ZNF341: variants seen among roughly 807,000 people sequenced by gnomAD.
The protein encoded by ZNF341 is zinc finger protein 341.
A neutral mutation model predicts 87.7 loss-of-function variants in ZNF341; 52 were observed. The ratio of observed to expected loss-of-function variants is 0.59; its 90% CI spans 0.47 to 0.75. ZNF341 has a LOEUF of 0.75. Among genes scored for constraint, ZNF341 ranks in the 30% least tolerant of loss-of-function variants. ZNF341 has a pLI of 0.00. For synonymous variants in ZNF341, 459 were observed against 472.7 expected, an observed-to-expected ratio of 0.97 and a Z score of 0.38; for missense variants, 977 against 1,145.9, an observed-to-expected ratio of 0.85 and a Z score of 2.13.
chr20:33,768,821 A>G (rs2081671129), intron 9 of ZNF341, among the ~76,000 whole-genome samples: 1 of 152,202 alleles, frequency 6.6e-6, no homozygotes, highest in Admixed American at 6.5e-5. Context: ...GGCAACCAGG[A>G]CTTACGTACT....
chr20:33,789,421 G>T, intron 13 of ZNF341, 97 bp from the exon 14 acceptor site: 1 of 1,286,892 alleles, frequency 7.8e-7, no homozygotes. Flanking sequence ...CCCTTAGGGT[G>T]GACAAGGCTG....
chr20:33,769,213 G>A (rs1259192268), intron 9 of ZNF341, among the ~76,000 whole-genome samples: 1 of 152,102 alleles, frequency 6.6e-6, no homozygotes, highest in Non-Finnish European at 1.5e-5. Context: ...TAGAGAGTGT[G>A]ATGACTGTGG....
rs376855897 is a variant in ZNF341, at chr20:33,757,244, G to A, written c.838G>A (p.Ala280Thr). The A allele has an allele frequency of 6.8e-5, 109 of 1,604,064 alleles. 1 individual carries two copies. In the East Asian group the frequency reaches 9.9e-4, roughly 15 times the overall value. The part of the protein sequence containing the change: ...GFKPKGPNPA[A>T]PMTSATGGTV... ...CAAACCCAAAGGACCAAACCCCGCCGCCCCCATGACCAGCGCCACCGGGGG... is the reference window on the plus strand; with the variant it reads ...CAAACCCAAAGGACCAAACCCCGCCACCCCCATGACCAGCGCCACCGGGGG... Residue 280 changes from alanine to threonine, a missense_variant, in exon 6 of 15, where the codon GCC becomes ACC. Around this residue, in one of 3 missense-constraint regions of ZNF341, gnomAD observed 515 missense variants for 598.2 expected, o/e 0.86. Coordinates refer to ENST00000375200, the MANE Select transcript of ZNF341 (RefSeq NM_001282933.2).
At chr20:33,762,782 G>A (rs1373950484) in intron 8 of ZNF341, among the ~76,000 whole-genome samples, 3 of 152,160 alleles carry the variant, frequency 2.0e-5, no homozygotes, top group African/African-American at 4.8e-5. Context: ...GAGAACATAC[G>A]GTGTTTGGTT....
intron 11 of ZNF341, among the ~76,000 whole-genome samples, chr20:33,781,915 AGG>A (rs1298917242): frequency 6.6e-6 from 1 of 152,024 alleles, no homozygotes; most frequent in Admixed American, 6.6e-5. Context: ...CCTGGGCTTA[AGG>A]GACCTGTCCA....
chr20:33,736,232 T>C (rs1452519255), intron 1 of ZNF341, among the ~76,000 whole-genome samples: 1 of 151,098 alleles, frequency 6.6e-6, no homozygotes, highest in East Asian at 2.0e-4. Context: ...TCCCCCACTC[T>C]AGTGGGGCTT....
rs1468911404 is a variant in ZNF341 at position 33,736,447 on chromosome 20, C to T, written c.31+4395C>T. 2.0e-5 allele frequency among the ~76,000 whole-genome samples: 3 copies of T among 152,162 alleles called. No individual in the cohort carries two copies. The South Asian group carries it at 6.2e-4, about 31-fold the overall frequency. Reference sequence around the variant, plus strand: ...ATAATAGCCCTTCCCCAAAACTAAACTGTCTTTGTAAAGCTATTGAAAGAC... The same window carrying T: ...ATAATAGCCCTTCCCCAAAACTAAATTGTCTTTGTAAAGCTATTGAAAGAC... On this transcript the variant is annotated intron_variant, in intron 1 of 14. Coordinates refer to ENST00000375200, the MANE Select transcript of ZNF341 (RefSeq NM_001282933.2).
At chr20:33,752,745 C>A (rs565544644) in intron 4 of ZNF341, among the ~76,000 whole-genome samples, 1 of 151,454 alleles carries the variant, frequency 6.6e-6, no homozygotes, top group African/African-American at 2.4e-5. Flanking sequence ...CTCCGTCTCC[C>A]AGGTTCACAC....
At chr20:33,771,149 C>T (rs976895653) in intron 10 of ZNF341, among the ~76,000 whole-genome samples, 4 of 151,950 alleles carry the variant, frequency 2.6e-5, no homozygotes, top group Non-Finnish European at 5.9e-5. Flanking sequence ...ATAAAATGAA[C>T]GGTAACATGT....
At chr20:33,776,846 G>A in intron 10 of ZNF341, among the ~76,000 whole-genome samples, 1 of 151,882 alleles carries the variant, frequency 6.6e-6, no homozygotes, top group Non-Finnish European at 1.5e-5. Context: ...TGTTTGTAGA[G>A]ACAGGGTCTT....
chr20:33,779,706 C>G (rs2019703198), intron 10 of ZNF341, among the ~76,000 whole-genome samples: 1 of 152,172 alleles, frequency 6.6e-6, no homozygotes, highest in African/African-American at 2.4e-5. Flanking sequence ...CCACCTCAGC[C>G]TCCCAAAGTG....
chr20:33,754,172 G>A (rs2019123110), intron 5 of ZNF341, among the ~76,000 whole-genome samples: 1 of 152,158 alleles, frequency 6.6e-6, no homozygotes, highest in Admixed American at 6.6e-5. Context: ...GGAAATAGAT[G>A]CCACCTCTTG....
At chr20:33,733,045 C>T (rs951013522) in intron 1 of ZNF341, among the ~76,000 whole-genome samples, 2 of 152,036 alleles carry the variant, frequency 1.3e-5, no homozygotes, top group East Asian at 3.9e-4. Flanking sequence ...TCAGCCACTC[C>T]CTGCACTTTT....
At chr20:33,780,075 G>T (rs750294842) in intron 10 of ZNF341, among the ~76,000 whole-genome samples, 1 of 152,168 alleles carries the variant, frequency 6.6e-6, no homozygotes, top group African/African-American at 2.4e-5. Flanking sequence ...AGTGCATCGT[G>T]GGGGGCAACT....
chr20:33,750,454 G>A (rs1307422416), intron 4 of ZNF341, among the ~76,000 whole-genome samples: 1 of 151,800 alleles, frequency 6.6e-6, no homozygotes, highest in Non-Finnish European at 1.5e-5. Context: ...TTTATGAAAT[G>A]CTGATCAGCA....
rs556510341 is a variant in ZNF341, at chr20:33,745,107, C to T, written c.147C>T (p.Asp49=). 40 of 1,609,248 alleles carry T rather than the reference C, an allele frequency of 2.5e-5. No individual in the cohort carries two copies. The East Asian group carries it at 4.5e-4, about 18-fold the overall frequency. ...ACTCTGCGGGTATGACCCCAGATGACGAGGATGTATTTCTCTGCGGGAAGT... is the reference window on the plus strand; with the variant it reads ...ACTCTGCGGGTATGACCCCAGATGATGAGGATGTATTTCTCTGCGGGAAGT... ...NAPPAIQPLD[D]EDVFLCGKCK... is the part of the protein sequence containing the mutation. The change falls in exon 3 of 15, where the codon GAC becomes GAT. Residue 49 remains aspartate (D), a synonymous_variant. Coordinates refer to ENST00000375200, the MANE Select transcript of ZNF341 (RefSeq NM_001282933.2).
intron 10 of ZNF341, among the ~76,000 whole-genome samples, chr20:33,774,292 C>T (rs913329225): frequency 3.3e-5 from 5 of 151,764 alleles, no homozygotes; most frequent in African/African-American, 9.7e-5. Context: ...AGAGAGACTC[C>T]GTCTCAAAAA....
At chr20:33,738,785 T>C (rs1389432389) in intron 1 of ZNF341, among the ~76,000 whole-genome samples, 2 of 151,998 alleles carry the variant, frequency 1.3e-5, no homozygotes, top group East Asian at 3.9e-4. Context: ...AGACTGATCG[T>C]GTGTAGCTGT....
rs762977186 is a variant in ZNF341, at chr20:33,745,151, C to T, written c.191C>T (p.Ser64Leu). 8.7e-6 allele frequency: 14 copies of T among 1,613,888 alleles called. No individual in the cohort carries two copies. The highest frequency in any genetic ancestry group is 6.7e-5 in the East Asian group (3 of 44,896). The part of the protein sequence containing the change: ...LCGKCKKQFN[S>L]LPAFMTHKRE... ...GGGAAGTGTAAGAAGCAATTCAACT[C>T]GCTGCCAGCGTTTATGACCCACAAG... Residue 64 changes from serine (S) to leucine (L), a missense_variant, in exon 3 of 15, where the codon TCG becomes TTG. Ser to Leu is a moderately radical substitution (Grantham distance 145). Around this residue, in one of 3 missense-constraint regions of ZNF341, gnomAD observed 515 missense variants for 598.2 expected, o/e 0.86. Transcript: ENST00000375200.
Sources: gnomAD v4.1 joint callset for allele counts (sites outside exome capture counted in the v4.1 genomes callset) on GRCh38, gnomAD v4.1.1 for gene constraint, gnomAD v4.1.1 regional missense constraint, MANE v1.5 for transcripts, NCBI Gene and HGNC (gene_info 2026-07-23, HGNC 2026-07-21) for gene names.